DNAJC1: variants seen among roughly 807,000 people sequenced by gnomAD.
DNAJC1 encodes the protein DnaJ heat shock protein family (Hsp40) member C1.
Under a neutral mutation model 76.6 loss-of-function variants are expected in DNAJC1, and 58 were observed. The observed-to-expected ratio is 0.76, with a 90% CI of 0.61 to 0.94. The LOEUF (loss-of-function observed/expected upper bound fraction) is 0.94, where lower values mean the gene tolerates loss of function less well. DNAJC1 is among the 40% of genes least tolerant of loss of function. The probability of loss-of-function intolerance (pLI) is 0.00; values close to 1 mark genes in which losing one functional copy is unlikely to be tolerated. For synonymous variants in DNAJC1, 258 were observed against 267.9 expected (o/e 0.96, Z 0.36); for missense variants, 689 against 677.3 (o/e 1.02, Z -0.19).
At chr10:21,850,326 A>G (rs1835732184) in intron 8 of DNAJC1, among the ~76,000 whole-genome samples, 1 of 152,164 alleles carries the variant, frequency 6.6e-6, no homozygotes, top group African/African-American at 2.4e-5. Flanking sequence ...ACAATGGACA[A>G]TATAAACAAG....
intron 8 of DNAJC1, among the ~76,000 whole-genome samples, chr10:21,826,438 G>A (rs1457356355): frequency 3.3e-5 from 5 of 152,062 alleles, no homozygotes; most frequent in African/African-American, 1.2e-4. Flanking sequence ...TTATAGGCAT[G>A]AGCCACTGTA....
intron 1 of DNAJC1, among the ~76,000 whole-genome samples, chr10:21,984,422 G>A (rs1345079223): frequency 6.6e-6 from 1 of 152,204 alleles, no homozygotes; most frequent in Non-Finnish European, 1.5e-5. Flanking sequence ...ATCTGGTACA[G>A]TAGCTACATA....
chr10:21,811,095 A>T (rs887327906), intron 8 of DNAJC1, among the ~76,000 whole-genome samples: 1 of 152,040 alleles, frequency 6.6e-6, no homozygotes. Context: ...CACACTGATG[A>T]CCTCCTCCGC....
intron 9 of DNAJC1, among the ~76,000 whole-genome samples, chr10:21,805,667 A>C (rs1311417629): frequency 6.6e-6 from 1 of 152,172 alleles, no homozygotes; most frequent in African/African-American, 2.4e-5. Context: ...AATTCTGATC[A>C]GTTTGAGAAC....
chr10:21,845,543 C>T (rs1410605291), intron 8 of DNAJC1, among the ~76,000 whole-genome samples: 7 of 151,962 alleles, frequency 4.6e-5, no homozygotes, highest in African/African-American at 1.2e-4. Flanking sequence ...TTAATAGAGA[C>T]AGGGTTTCAC....
intron 1 of DNAJC1, among the ~76,000 whole-genome samples, chr10:21,943,908 C>CAA (rs554420219): frequency 9.0e-5 from 11 of 121,982 alleles, no homozygotes; most frequent in Admixed American, 4.2e-4. Flanking sequence ...GCCACATCAG[C>CAA]AAAAAAAAAA....
chr10:21,921,035 T>G, intron 3 of DNAJC1, 72 bp from the exon 4 acceptor site: 1 of 1,348,944 alleles, frequency 7.4e-7, no homozygotes, highest in South Asian at 1.6e-5. Context: ...TGTGCCTATA[T>G]TACAAAAAGG....
intron 9 of DNAJC1, among the ~76,000 whole-genome samples, chr10:21,779,631 C>T (rs1429656230): frequency 6.6e-6 from 1 of 152,122 alleles, no homozygotes; most frequent in African/African-American, 2.4e-5. Context: ...TAGATAAAAC[C>T]ACAAAGATGG....
chr10:21,787,304 G>A (rs2131631920), intron 9 of DNAJC1, among the ~76,000 whole-genome samples: 1 of 151,860 alleles, frequency 6.6e-6, no homozygotes, highest in East Asian at 1.9e-4. Context: ...CTCCAGCCTG[G>A]GCAACAGAGT....
At chr10:21,975,598 A>G (rs1281561817) in intron 1 of DNAJC1, among the ~76,000 whole-genome samples, 2 of 152,184 alleles carry the variant, frequency 1.3e-5, no homozygotes, top group Admixed American at 1.3e-4. Context: ...TGAACTGTGC[A>G]AGGCCAATTA....
chr10:21,999,248 T>C (rs916593258), intron 1 of DNAJC1, among the ~76,000 whole-genome samples: 2 of 152,228 alleles, frequency 1.3e-5, no homozygotes, highest in Non-Finnish European at 2.9e-5. Flanking sequence ...AGGTAGCCTG[T>C]GACCGCCATA....
chr10:21,870,826 C>T (rs991387551), intron 8 of DNAJC1, among the ~76,000 whole-genome samples: 1 of 151,920 alleles, frequency 6.6e-6, no homozygotes, highest in Non-Finnish European at 1.5e-5. Flanking sequence ...TACAGACAGA[C>T]AGAAAGACAG....
chr10:21,963,352 G>A (rs1462595886), intron 1 of DNAJC1, among the ~76,000 whole-genome samples: 2 of 152,122 alleles, frequency 1.3e-5, no homozygotes, highest in Non-Finnish European at 2.9e-5. Flanking sequence ...CTGAAGAACA[G>A]TTTTACATGC....
At chr10:21,900,431 A>C (rs1030560549) in intron 7 of DNAJC1, among the ~76,000 whole-genome samples, 1 of 152,146 alleles carries the variant, frequency 6.6e-6, no homozygotes, top group Non-Finnish European at 1.5e-5. Context: ...ATTGGATAAA[A>C]ATTTTCTGAA....
intron 11 of DNAJC1, among the ~76,000 whole-genome samples, chr10:21,757,626 T>C (rs1048655928): frequency 1.3e-5 from 2 of 152,178 alleles, no homozygotes; most frequent in Non-Finnish European, 2.9e-5. Flanking sequence ...TTTAAAGATA[T>C]CAGTCTTTCC....
In DNAJC1 at chr10:22,003,599, G is replaced by A; in HGVS notation, c.-165C>T. The A allele has an allele frequency of 9.7e-6, 8 of 820,748 alleles. No individual in the cohort carries two copies. Among genetic ancestry groups the A allele is most frequent in the Non-Finnish European group, 1.3e-5 (8 of 610,876 alleles). The allele number at this position is 820,748 out of a possible 1,614,324, so 50.8% of individuals were successfully genotyped here. On this transcript the variant is annotated 5_prime_UTR_variant, in exon 1 of 12. Coordinates refer to ENST00000376980, the MANE Select transcript of DNAJC1 (RefSeq NM_022365.4). The stretch of plus-strand genomic sequence containing the variant: ...CTGGCCCCAGACAGAGCGCGGAGGC[G>A]GCGGGAGCCGGCTGCCGGACGGGCG...
At chr10:21,794,993 T>C (rs933519714) in intron 9 of DNAJC1, among the ~76,000 whole-genome samples, 1 of 152,206 alleles carries the variant, frequency 6.6e-6, no homozygotes, top group Non-Finnish European at 1.5e-5. Flanking sequence ...CCAATAAGTA[T>C]TTCCTTTGAG....
intron 1 of DNAJC1, among the ~76,000 whole-genome samples, chr10:21,987,993 C>T (rs1838272824): frequency 6.6e-6 from 1 of 151,988 alleles, no homozygotes. Context: ...TTCCATGTTG[C>T]TATGTAGTTT....
At chr10:21,830,939 CCTA>C (rs1335129718) in intron 8 of DNAJC1, among the ~76,000 whole-genome samples, 7 of 151,996 alleles carry the variant, frequency 4.6e-5, no homozygotes, top group Non-Finnish European at 8.8e-5. Flanking sequence ...TGGTTTTATT[CCTA>C]CTTTTATCTC....
Sources: allele counts gnomAD v4.1 joint callset (sites outside exome capture counted in the v4.1 genomes callset), GRCh38; gene constraint gnomAD v4.1.1; transcripts MANE v1.5; gene names NCBI Gene and HGNC (gene_info 2026-07-23, HGNC 2026-07-21).